KLF8: variants seen among roughly 807,000 people sequenced by gnomAD.
The protein encoded by KLF8 is Krueppel-like factor 8.
A neutral mutation model predicts 18.2 loss-of-function variants in KLF8; 10 were observed. The ratio of observed to expected loss-of-function variants is 0.55; its 90% CI spans 0.34 to 0.93. KLF8 has a LOEUF of 0.93. KLF8 is among the 40% of genes least tolerant of loss of function. The pLI is 0.02. For synonymous variants in KLF8, 109 were observed against 97.3 expected (o/e 1.12, Z -0.71); for missense variants, 264 against 277.9 (o/e 0.95, Z 0.36).
the KLF8 span, among the ~76,000 whole-genome samples, chrX:56,115,123 TA>T: frequency 1.8e-5 from 2 of 111,085 alleles, no homozygotes; most frequent in African/African-American, 6.5e-5. Context: ...TTTATTTATT[TA>T]TTTTTTTGGC....
At chrX:56,183,068 C>T in the KLF8 span, among the ~76,000 whole-genome samples, 17 of 112,226 alleles carry the variant, frequency 1.5e-4, no homozygotes, top group African/African-American at 4.9e-4. Context: ...GCCCCCAGAG[C>T]GGGAGTCTAC....
chrX:56,064,083 G>GTA, the KLF8 span, among the ~76,000 whole-genome samples: 1 of 105,123 alleles, frequency 9.5e-6, no homozygotes, highest in Non-Finnish European at 1.9e-5. Flanking sequence ...ATACATGTGT[G>GTA]TGTATATATA....
the KLF8 span, among the ~76,000 whole-genome samples, chrX:55,951,490 A>AAAAG: frequency 8.2e-5 from 9 of 109,282 alleles, no homozygotes; most frequent in Middle Eastern, 4.8e-3. Flanking sequence ...AAAAAAAAAA[A>AAAAG]AAAGAAAGAA....
At chrX:56,121,185 CAAAAAAAAA>C in the KLF8 span, among the ~76,000 whole-genome samples, 2 of 40,860 alleles carry the variant, frequency 4.9e-5, no homozygotes, top group African/African-American at 7.2e-5. Flanking sequence ...GACTCCGTCT[CAAAAAAAAA>C]AAAAAAAAAA....
chrX:56,167,163 T>G, the KLF8 span, among the ~76,000 whole-genome samples: 5 of 111,469 alleles, frequency 4.5e-5, no homozygotes, highest in African/African-American at 1.6e-4. Context: ...TAGAGTCTTG[T>G]TCTGTCGTCT....
the KLF8 span, among the ~76,000 whole-genome samples, chrX:56,053,416 G>A: frequency 3.6e-5 from 4 of 111,333 alleles, no homozygotes; most frequent in Admixed American, 3.8e-4. Flanking sequence ...CAGTTTGTCA[G>A]TGTTTTGTTG....
At chrX:56,038,917 A>G in the KLF8 span, among the ~76,000 whole-genome samples, 1 of 111,982 alleles carries the variant, frequency 8.9e-6, no homozygotes, top group African/African-American at 3.2e-5. Flanking sequence ...CTATCGTGAG[A>G]TGGTATCTCA....
chrX:56,061,496 A>T, the KLF8 span, among the ~76,000 whole-genome samples: 1 of 111,688 alleles, frequency 9.0e-6, no homozygotes, highest in Non-Finnish European at 1.9e-5. Flanking sequence ...CTTAATCTTG[A>T]GTTCTAATTT....
At chrX:56,117,169 G>C in the KLF8 span, among the ~76,000 whole-genome samples, 1 of 111,718 alleles carries the variant, frequency 9.0e-6, no homozygotes, top group Non-Finnish European at 1.9e-5. Context: ...GAAATACCTT[G>C]TGAGAACCAG....
At chrX:55,970,268 A>T in the KLF8 span, among the ~76,000 whole-genome samples, 1 of 111,466 alleles carries the variant, frequency 9.0e-6, no homozygotes, top group African/African-American at 3.3e-5. Flanking sequence ...GACTGTTTTA[A>T]CATGTATAAA....
the KLF8 span, among the ~76,000 whole-genome samples, chrX:56,042,102 A>G: frequency 9.0e-6 from 1 of 111,241 alleles, no homozygotes; most frequent in Non-Finnish European, 1.9e-5. Context: ...GTTTCACAGA[A>G]CTTACTGATT....
At chrX:56,169,671 A>G in the KLF8 span, among the ~76,000 whole-genome samples, 1 of 111,511 alleles carries the variant, frequency 9.0e-6, no homozygotes, top group African/African-American at 3.3e-5. Flanking sequence ...CAGCTGCAGT[A>G]TAATAGAACA....
At chrX:56,179,602 A>T in the KLF8 span, among the ~76,000 whole-genome samples, 42 of 112,142 alleles carry the variant, frequency 3.7e-4, no homozygotes, top group Middle Eastern at 4.6e-3. Flanking sequence ...GTTTTTGCCC[A>T]TTTAGTATTA....
At chrX:56,125,825 G>A in the KLF8 span, among the ~76,000 whole-genome samples, 3 of 111,708 alleles carry the variant, frequency 2.7e-5, no homozygotes, top group African/African-American at 3.3e-5. Flanking sequence ...TGCATAGGAT[G>A]CTTAACTTCT....
the KLF8 span, among the ~76,000 whole-genome samples, chrX:56,195,296 T>C: frequency 9.0e-6 from 1 of 111,585 alleles, no homozygotes; most frequent in Non-Finnish European, 1.9e-5. Flanking sequence ...AAACTAAAAG[T>C]GGATGTTCAA....
the KLF8 span, among the ~76,000 whole-genome samples, chrX:56,051,170 G>A: frequency 1.8e-5 from 2 of 111,272 alleles, no homozygotes; most frequent in African/African-American, 3.3e-5. Context: ...GTCTCTGTAC[G>A]TGAGATGGGT....
At chrX:56,031,566 C>A in the KLF8 span, among the ~76,000 whole-genome samples, 2 of 111,715 alleles carry the variant, frequency 1.8e-5, no homozygotes, top group African/African-American at 3.3e-5. Flanking sequence ...TCCACCGGGC[C>A]AATTGCCTAC....
chrX:55,994,940 G>C, the KLF8 span, among the ~76,000 whole-genome samples: 1 of 111,966 alleles, frequency 8.9e-6, no homozygotes, highest in Non-Finnish European at 1.9e-5. Flanking sequence ...ATTTGGACAA[G>C]TGTTGAGTTT....
the KLF8 span, among the ~76,000 whole-genome samples, chrX:56,184,209 C>A: frequency 2.7e-5 from 3 of 112,321 alleles, no homozygotes; most frequent in Admixed American, 9.4e-5. Flanking sequence ...AATGGCGCAC[C>A]AGGAGATTAT....
Sources: gnomAD v4.1 joint callset for allele counts (sites outside exome capture counted in the v4.1 genomes callset) on GRCh38, gnomAD v4.1.1 for gene constraint, MANE v1.5 for transcripts, NCBI Gene and HGNC (gene_info 2026-07-23, HGNC 2026-07-21) for gene names.